Variants in CNTNAP2 observed in about 807,000 individuals in gnomAD.
CNTNAP2 encodes contactin-associated protein-like 2.
A neutral mutation model predicts 155.2 loss-of-function variants in CNTNAP2; 98 were observed. The observed-to-expected ratio is 0.63, with a 90% confidence interval of 0.54 to 0.75. The LOEUF (loss-of-function observed/expected upper bound fraction) is 0.75, where lower values mean the gene tolerates loss of function less well. CNTNAP2 is among the 30% of genes least tolerant of loss of function. The pLI, the probability that CNTNAP2 is intolerant of heterozygous loss-of-function variation, is 0.00. For missense variants in CNTNAP2, 1,727 were observed against 1,688.1 expected (o/e 1.02, Z -0.40); for synonymous variants, 651 against 631.2 (o/e 1.03, Z -0.47).
chr7:146,207,405 A>C (rs912386553), intron 1 of CNTNAP2, among the ~76,000 whole-genome samples: 2 of 151,994 alleles, frequency 1.3e-5, no homozygotes, highest in Non-Finnish European at 2.9e-5. Context: ...ACTGAGTTTA[A>C]AATAAGCATC....
At chr7:147,430,668 T>A (rs1797449586) in intron 10 of CNTNAP2, among the ~76,000 whole-genome samples, 1 of 152,042 alleles carries the variant, frequency 6.6e-6, no homozygotes, top group Non-Finnish European at 1.5e-5. Flanking sequence ...AGTAAAGAAA[T>A]AATTACAGTA....
intron 3 of CNTNAP2, among the ~76,000 whole-genome samples, chr7:146,850,813 C>G (rs1000144533): frequency 6.6e-6 from 1 of 151,986 alleles, no homozygotes; most frequent in Non-Finnish European, 1.5e-5. Flanking sequence ...CTAAACTAAT[C>G]AAACAGTGGA....
chr7:146,868,570 G>A (rs1165597091), intron 3 of CNTNAP2, among the ~76,000 whole-genome samples: 6 of 152,066 alleles, frequency 3.9e-5, no homozygotes, highest in Admixed American at 3.9e-4. Flanking sequence ...TTGGTAATTT[G>A]ACAGCATAGC....
rs531781399 is a variant in CNTNAP2 at position 147,282,733 on chromosome 7, T to G, written c.1349-17408T>G. Among the ~76,000 whole-genome samples, 21 of 151,926 alleles carry G rather than the reference T, an allele frequency of 1.4e-4. No homozygotes were observed. The South Asian group carries it at 2.1e-3, about 15-fold the overall frequency. ...TAATTAATCAAAGGAAAGCCCTTTA[T>G]TTTTATTATTAATTTATTACTATTA... On this transcript the variant is annotated intron_variant, in intron 8 of 23. Transcript: ENST00000361727.
intron 13 of CNTNAP2, among the ~76,000 whole-genome samples, chr7:147,693,826 CCTTTT>C (rs1451844022): frequency 2.0e-5 from 3 of 151,868 alleles, no homozygotes; most frequent in African/African-American, 7.3e-5. Context: ...AATATGTATA[CCTTTT>C]CTTTTATTTT....
At chr7:147,877,117 G>GT (rs1265704945) in intron 13 of CNTNAP2, among the ~76,000 whole-genome samples, 1 of 151,944 alleles carries the variant, frequency 6.6e-6, no homozygotes, top group Non-Finnish European at 1.5e-5. Context: ...CATGGTTTTG[G>GT]TGTTCAGACA....
chr7:148,219,727 A>G (rs1037103018), intron 19 of CNTNAP2, among the ~76,000 whole-genome samples: 6 of 152,228 alleles, frequency 3.9e-5, no homozygotes, highest in South Asian at 2.1e-4. Context: ...CCTAGCTACT[A>G]GAAGGCTGAG....
intron 9 of CNTNAP2, among the ~76,000 whole-genome samples, chr7:147,378,383 T>A (rs1239854807): frequency 6.6e-6 from 1 of 151,984 alleles, no homozygotes; most frequent in Non-Finnish European, 1.5e-5. Flanking sequence ...ATCCATCACC[T>A]AAAGAATTCA....
chr7:147,441,813 T>TTCTCTCTCTCTCTCTCTCTCTCTCTC (rs568227936), intron 10 of CNTNAP2, among the ~76,000 whole-genome samples: 2 of 102,168 alleles, frequency 2.0e-5, no homozygotes, highest in Admixed American at 2.5e-4. Flanking sequence ...TGTAGTCTCT[T>TTCTCTCTCTCTCTCTCTCTCTCTCTC]TCTCTCTCTC....
chr7:147,097,424 G>A (rs2129276208), intron 4 of CNTNAP2: 1 of 152,354 alleles, frequency 6.6e-6, no homozygotes, highest in African/African-American at 2.4e-5. Flanking sequence ...GAGGTTTAAT[G>A]GACTTACAAT....
intron 11 of CNTNAP2, among the ~76,000 whole-genome samples, chr7:147,507,842 C>T (rs1021168754): frequency 3.3e-5 from 5 of 152,070 alleles, no homozygotes; most frequent in Admixed American, 6.5e-5. Flanking sequence ...TGAGCCACCG[C>T]GCCTGGCCAC....
At chr7:146,204,381 A>C (rs35532341) in intron 1 of CNTNAP2, among the ~76,000 whole-genome samples, 1 of 152,080 alleles carries the variant, frequency 6.6e-6, no homozygotes, top group Non-Finnish European at 1.5e-5. Context: ...GGGAATTGTA[A>C]TAGGTATACC....
intron 1 of CNTNAP2, among the ~76,000 whole-genome samples, chr7:146,629,579 G>A (rs1404033443): frequency 6.6e-6 from 1 of 152,054 alleles, no homozygotes; most frequent in African/African-American, 2.4e-5. Context: ...ATGATTTCCT[G>A]AAAATGAAAT....
chr7:147,411,761 T>G (rs1265838353), intron 10 of CNTNAP2, among the ~76,000 whole-genome samples: 1 of 152,124 alleles, frequency 6.6e-6, no homozygotes, highest in Admixed American at 6.5e-5. Flanking sequence ...AGTTGCAAGA[T>G]AGACTGAGAA....
intron 3 of CNTNAP2, among the ~76,000 whole-genome samples, chr7:146,974,432 C>G (rs1043013254): frequency 6.9e-6 from 1 of 145,328 alleles, no homozygotes; most frequent in Non-Finnish European, 1.5e-5. Flanking sequence ...GAGCAAAACT[C>G]CGTCTTAAAA....
chr7:146,879,826 C>G (rs898537549), intron 3 of CNTNAP2, among the ~76,000 whole-genome samples: 1 of 152,008 alleles, frequency 6.6e-6, no homozygotes, highest in East Asian at 1.9e-4. Context: ...TAAAGACATA[C>G]TGGAGACTGG....
At chr7:147,775,784 T>C (rs1242237494) in intron 13 of CNTNAP2, among the ~76,000 whole-genome samples, 4 of 152,178 alleles carry the variant, frequency 2.6e-5, no homozygotes, top group Non-Finnish European at 5.9e-5. Context: ...CATGTTATTA[T>C]ATCTATCTGT....
At chr7:148,081,080 C>T (rs536541175) in intron 15 of CNTNAP2, among the ~76,000 whole-genome samples, 10 of 152,238 alleles carry the variant, frequency 6.6e-5, no homozygotes, top group East Asian at 3.9e-4. Context: ...AAGGATAAGA[C>T]GCACAGACTT....
At chr7:148,216,271 C>T (rs964598026) in intron 18 of CNTNAP2, among the ~76,000 whole-genome samples, 2 of 152,148 alleles carry the variant, frequency 1.3e-5, no homozygotes, top group Non-Finnish European at 2.9e-5. Context: ...CTTCTAATTT[C>T]TCAATAATAA....
Sources: allele counts gnomAD v4.1 joint callset (sites outside exome capture counted in the v4.1 genomes callset), GRCh38; gene constraint gnomAD v4.1.1; transcripts MANE v1.5; gene names NCBI Gene and HGNC (gene_info 2026-07-23, HGNC 2026-07-21).